Variants in DOK6 observed in about 807,000 individuals in gnomAD.
DOK6 encodes the protein downstream of tyrosine kinase 6.
Under a neutral mutation model 44.0 loss-of-function variants are expected in DOK6, and 22 were observed. The observed-to-expected ratio is 0.50, with a 90% CI of 0.36 to 0.71. The LOEUF is 0.71. DOK6 is among the 30% of genes least tolerant of loss of function. The probability of loss-of-function intolerance (pLI) is 0.00; values close to 1 mark genes in which losing one functional copy is unlikely to be tolerated. For missense variants in DOK6, 340 were observed against 416.4 expected (o/e 0.82, Z 1.60); for synonymous variants, 166 against 145.5 (o/e 1.14, Z -1.01).
intron 7 of DOK6, 121 bp from the exon 8 acceptor site, chr18:69,841,123 T>C: frequency 7.7e-7 from 1 of 1,293,412 alleles, no homozygotes; most frequent in East Asian, 2.4e-5. Context: ...ATGTGAAAGC[T>C]GCTGCCTTGT....
At chr18:69,599,251 A>C (rs1370967887) in intron 2 of DOK6, 133 bp from the exon 3 acceptor site, 1 of 669,384 alleles carries the variant, frequency 1.5e-6, no homozygotes, top group African/African-American at 1.8e-5. Context: ...TTTTTGGCTA[A>C]AGTCAATTCA....
At chr18:69,606,563 C>G (rs1361728555) in intron 3 of DOK6, among the ~76,000 whole-genome samples, 2 of 151,684 alleles carry the variant, frequency 1.3e-5, no homozygotes, top group Non-Finnish European at 2.9e-5. Flanking sequence ...AGAAATTAGA[C>G]AAGAAAAAGA....
chr18:69,831,280 T>C (rs991073424), intron 7 of DOK6: 1 of 152,192 alleles, frequency 6.6e-6, no homozygotes, highest in Admixed American at 6.5e-5. Context: ...TTCTGTTCTA[T>C]CCAAATGGAC....
At chr18:69,627,031 T>C (rs1466991775) in intron 3 of DOK6, among the ~76,000 whole-genome samples, 1 of 152,116 alleles carries the variant, frequency 6.6e-6, no homozygotes, top group Non-Finnish European at 1.5e-5. Context: ...AAGTTAAGAC[T>C]CTTGCTGGCC....
chr18:69,532,524 T>A (rs1027795227), intron 1 of DOK6, among the ~76,000 whole-genome samples: 1 of 152,240 alleles, frequency 6.6e-6, no homozygotes, highest in Non-Finnish European at 1.5e-5. Context: ...ATAACTTGGG[T>A]AATATTTTTC....
At chr18:69,483,977 A>T (rs7236854) in intron 1 of DOK6, among the ~76,000 whole-genome samples, 36,282 of 151,870 alleles carry the variant, frequency 0.24, 4,762 homozygotes, top group East Asian at 0.53. Context: ...TTTATTTTTT[A>T]AATTAGCAAA....
chr18:69,414,146 A>G (rs1018577288), intron 1 of DOK6, among the ~76,000 whole-genome samples: 1 of 152,094 alleles, frequency 6.6e-6, no homozygotes, highest in African/African-American at 2.4e-5. Context: ...TGGCGGGAAT[A>G]TAAAATGGTT....
At chr18:69,616,162 G>A (rs1984279121) in intron 3 of DOK6, among the ~76,000 whole-genome samples, 1 of 152,180 alleles carries the variant, frequency 6.6e-6, no homozygotes, top group South Asian at 2.1e-4. Context: ...CATATCCTGA[G>A]AGGCTTCTCT....
chr18:69,526,269 A>G (rs1981828450), intron 1 of DOK6, among the ~76,000 whole-genome samples: 1 of 151,980 alleles, frequency 6.6e-6, no homozygotes. Flanking sequence ...CTAGGCAACC[A>G]CTGGTTACTG....
chr18:69,546,729 A>G (rs1249978084), intron 1 of DOK6, among the ~76,000 whole-genome samples: 1 of 151,436 alleles, frequency 6.6e-6, no homozygotes, highest in Non-Finnish European at 1.5e-5. Flanking sequence ...TGTTACATGC[A>G]TGGCATGAGT....
chr18:69,548,426 T>C (rs1982469490), intron 1 of DOK6, among the ~76,000 whole-genome samples: 1 of 151,590 alleles, frequency 6.6e-6, no homozygotes, highest in Non-Finnish European at 1.5e-5. Flanking sequence ...ATTTTGGGCT[T>C]TACATTATCA....
At chr18:69,491,861 C>G (rs1371866533) in intron 1 of DOK6, among the ~76,000 whole-genome samples, 1 of 152,190 alleles carries the variant, frequency 6.6e-6, no homozygotes, top group Non-Finnish European at 1.5e-5. Flanking sequence ...CTTAACTATG[C>G]TATCTAAATA....
chr18:69,571,763 C>A (rs1983119596), intron 2 of DOK6, among the ~76,000 whole-genome samples: 2 of 151,916 alleles, frequency 1.3e-5, no homozygotes, highest in African/African-American at 4.8e-5. Context: ...AAGAAAGAAA[C>A]AATTTCACAA....
At chr18:69,725,708 G>A (rs550544107) in intron 5 of DOK6, among the ~76,000 whole-genome samples, 19 of 152,206 alleles carry the variant, frequency 1.2e-4, no homozygotes, top group African/African-American at 2.6e-4. Flanking sequence ...AGCTGGTCTC[G>A]AACTCCTGAC....
chr18:69,413,922 G>T (rs530890419), intron 1 of DOK6, among the ~76,000 whole-genome samples: 4 of 151,724 alleles, frequency 2.6e-5, no homozygotes, highest in Admixed American at 6.6e-5. Context: ...TCAACCAGAA[G>T]ACAGGCAAAG....
chr18:69,506,878 C>CACACACACACACATATGTACATATAT (rs1981203422), intron 1 of DOK6, among the ~76,000 whole-genome samples: 1 of 151,340 alleles, frequency 6.6e-6, no homozygotes, highest in African/African-American at 2.4e-5. Flanking sequence ...TGAAAATGCA[C>CACACACACACACATATGTACATATAT]ACACACACAC....
At position 69,766,283 on chromosome 18, in the gene DOK6, A is replaced by G. The variant is rs143686655; in HGVS notation, c.856+8410A>G. ...GGAGGGCAAGGGTTGAAAACTAACT[A>G]TTGGGTACTATGCTCACCACCCGGG... On this transcript the variant is annotated intron_variant, in intron 7 of 7. Transcript: ENST00000382713. Among the ~76,000 whole-genome samples, 18 of 152,296 alleles carry G rather than the reference A, an allele frequency of 1.2e-4. 1 individual carries two copies. In the East Asian group the frequency reaches 3.5e-3, roughly 29 times the overall value.
chr18:69,558,364 G>A (rs1982741090), intron 1 of DOK6, among the ~76,000 whole-genome samples: 1 of 152,034 alleles, frequency 6.6e-6, no homozygotes, highest in East Asian at 1.9e-4. Context: ...AATGACACTT[G>A]CAAATTCTCC....
intron 1 of DOK6, among the ~76,000 whole-genome samples, chr18:69,549,825 A>G (rs1280676006): frequency 1.3e-5 from 2 of 150,976 alleles, no homozygotes; most frequent in African/African-American, 4.8e-5. Flanking sequence ...TTTATTTGAA[A>G]GAATTTATTA....
Sources: gnomAD v4.1 joint callset for allele counts (sites outside exome capture counted in the v4.1 genomes callset) on GRCh38, gnomAD v4.1.1 for gene constraint, MANE v1.5 for transcripts, NCBI Gene and HGNC (gene_info 2026-07-23, HGNC 2026-07-21) for gene names.